Variants in ARHGAP32 observed in about 807,000 individuals in gnomAD.
ARHGAP32 encodes the protein Rho GTPase activating protein 32.
ARHGAP32 carries 51 observed loss-of-function variants against 186.5 expected under a neutral mutation model. The ratio of observed to expected loss-of-function variants is 0.27; its 90% CI spans 0.22 to 0.35. ARHGAP32 has a LOEUF of 0.35. ARHGAP32 is among the 10% of genes least tolerant of loss of function. ARHGAP32 has a pLI of 1.00. For synonymous variants in ARHGAP32, 950 were observed against 964.3 expected, an observed-to-expected ratio of 0.99 and a Z score of 0.27; for missense variants, 2,186 against 2,623.5, an observed-to-expected ratio of 0.83 and a Z score of 3.64.
At chr11:129,251,871 G>A (rs1945189590) in intron 1 of ARHGAP32, among the ~76,000 whole-genome samples, 1 of 149,672 alleles carries the variant, frequency 6.7e-6, no homozygotes. Context: ...GGAGGCGGAG[G>A]TTGCAGTGAG....
At chr11:129,222,527 A>G (rs1944725011) in intron 1 of ARHGAP32, among the ~76,000 whole-genome samples, 1 of 152,220 alleles carries the variant, frequency 6.6e-6, no homozygotes, top group Non-Finnish European at 1.5e-5. Context: ...CACAGGAAAT[A>G]AATTTCTGCA....
intron 2 of ARHGAP32, among the ~76,000 whole-genome samples, chr11:129,149,522 C>A (rs1489976860): frequency 3.3e-5 from 5 of 152,140 alleles, no homozygotes; most frequent in Non-Finnish European, 4.4e-5. Flanking sequence ...GGTGGCTAGA[C>A]CCAGAAGAGA....
chr11:129,041,890 A>G (rs1939609430), intron 10 of ARHGAP32, among the ~76,000 whole-genome samples: 1 of 152,270 alleles, frequency 6.6e-6, no homozygotes, highest in Non-Finnish European at 1.5e-5. Flanking sequence ...CAGATGTTAA[A>G]GCTGAAATAT....
chr11:129,177,329 T>G lies in ARHGAP32; in HGVS notation c.117-12902A>C, dbSNP rs901462795. Among the ~76,000 whole-genome samples the G allele has an allele frequency of 3.3e-5, 5 of 152,172 alleles. 1 individual carries two copies. The highest frequency in any genetic ancestry group is 1.2e-4 in the African/African-American group (5 of 41,508). On this transcript the variant is annotated intron_variant, in intron 1 of 22. Coordinates refer to ENST00000682385, the MANE Select transcript of ARHGAP32 (RefSeq NM_001378024.1). ...CAACCAAAAAGAGTCCAGGACCAGA[T>G]GGATTCACAGCCGAATTCTACCAGA... is the stretch of plus-strand genomic sequence containing the variant.
chr11:129,046,847 G>A (rs370340155), intron 10 of ARHGAP32, among the ~76,000 whole-genome samples: 5 of 152,060 alleles, frequency 3.3e-5, no homozygotes, highest in East Asian at 1.9e-4. Context: ...ATTCTTGGCC[G>A]GGCGCGGTGG....
intron 5 of ARHGAP32, among the ~76,000 whole-genome samples, chr11:129,119,701 C>T (rs1014696443): frequency 6.6e-6 from 1 of 151,882 alleles, no homozygotes; most frequent in East Asian, 1.9e-4. Flanking sequence ...ACTATAGTTG[C>T]AATCTTATGT....
chr11:129,143,205 G>T (rs1943098381), intron 2 of ARHGAP32, among the ~76,000 whole-genome samples: 1 of 151,842 alleles, frequency 6.6e-6, no homozygotes, highest in Non-Finnish European at 1.5e-5. Flanking sequence ...TTTCTGAAAT[G>T]ACATGTTTTA....
rs60384446 is a variant in ARHGAP32 at position 129,005,387 on chromosome 11, C to A, written c.1046-6919G>T. Among the ~76,000 whole-genome samples the A allele has an allele frequency of 4.1e-4, 63 of 152,146 alleles. No individual in the cohort carries two copies. In the East Asian group the frequency reaches 0.011, roughly 27 times the overall value. On this transcript the variant is annotated intron_variant, in intron 11 of 22. Transcript: ENST00000682385. ...ATAATTTCTTATTGTTCATTAATGT[C>A]GTTTTCTTTCTGACTGAAGTATTCC...
chr11:128,978,931 A>C lies in ARHGAP32; in HGVS notation c.1977-16T>G, dbSNP rs1172218201. ...AGGCCTCTTTCTATGAAAGAGAAAAAATAATCAACATTAAGATAGCCATGG... is the reference window on the plus strand; with the variant it reads ...AGGCCTCTTTCTATGAAAGAGAAAACATAATCAACATTAAGATAGCCATGG... On this transcript the variant is annotated splice_polypyrimidine_tract_variant and intron_variant, in intron 18 of 22. Transcript: ENST00000682385. 7 of 1,594,696 alleles carry C rather than the reference A, an allele frequency of 4.4e-6. No individual in the cohort carries two copies. The South Asian group carries it at 6.8e-5, about 16-fold the overall frequency.
intron 2 of ARHGAP32, among the ~76,000 whole-genome samples, chr11:129,148,897 T>C (rs2135447268): frequency 6.6e-6 from 1 of 152,210 alleles, no homozygotes; most frequent in African/African-American, 2.4e-5. Flanking sequence ...ATAACCCCAT[T>C]GGCCTGAGAA....
At position 129,124,850 on chromosome 11, in the gene ARHGAP32, A is replaced by C; in HGVS notation, c.270T>G (p.Leu90=). 1 of 1,611,400 alleles carries C rather than the reference A, an allele frequency of 6.2e-7. No individual in the cohort carries two copies. Among genetic ancestry groups the C allele is most frequent in the Non-Finnish European group, 8.5e-7 (1 of 1,178,668 alleles). ...TACTGGCTGTACTGCCACACGTCTT[A>C]AGAGTAAGATCTCCAGGAATCTCTG... is the stretch of plus-strand genomic sequence containing the variant. The part of the protein sequence containing the change: ...DVPEIPGDLT[L]KTCGSTASMK... Residue 90 remains leucine (L), a synonymous_variant, in exon 3 of 23, where the codon CTT becomes CTG. Coordinates refer to ENST00000682385, the MANE Select transcript of ARHGAP32 (RefSeq NM_001378024.1).
chr11:129,114,439 G>A (rs1233092089), intron 5 of ARHGAP32, among the ~76,000 whole-genome samples: 2 of 151,944 alleles, frequency 1.3e-5, no homozygotes, highest in Non-Finnish European at 2.9e-5. Context: ...TATATTACTT[G>A]TTTTCTCTGA....
chr11:129,251,872 T>C (rs1228706572), intron 1 of ARHGAP32, among the ~76,000 whole-genome samples: 3 of 150,482 alleles, frequency 2.0e-5, no homozygotes, highest in Non-Finnish European at 3.0e-5. Context: ...GAGGCGGAGG[T>C]TGCAGTGAGC....
chr11:129,020,405 G>A (rs760419644), intron 11 of ARHGAP32, among the ~76,000 whole-genome samples: 1 of 152,000 alleles, frequency 6.6e-6, no homozygotes, highest in Non-Finnish European at 1.5e-5. Flanking sequence ...CTTGATGCTT[G>A]TACTACCTTT....
intron 1 of ARHGAP32, among the ~76,000 whole-genome samples, chr11:129,200,121 A>G (rs979432713): frequency 6.6e-6 from 1 of 152,142 alleles, no homozygotes. Context: ...TGTATCTAGG[A>G]GGTAACTAAC....
chr11:129,003,776 T>C (rs553483903), intron 11 of ARHGAP32, among the ~76,000 whole-genome samples: 5 of 152,268 alleles, frequency 3.3e-5, no homozygotes, highest in Admixed American at 2.0e-4. Flanking sequence ...TCTTTTTTTT[T>C]CCTTAGTCTG....
intron 12 of ARHGAP32, among the ~76,000 whole-genome samples, chr11:128,991,119 G>C (rs1435336536): frequency 2.0e-5 from 3 of 152,134 alleles, no homozygotes; most frequent in African/African-American, 7.2e-5. Flanking sequence ...TGTGTTATTA[G>C]ATTCATATCT....
At chr11:129,150,960 C>T (rs1260932272) in intron 2 of ARHGAP32, among the ~76,000 whole-genome samples, 2 of 151,214 alleles carry the variant, frequency 1.3e-5, no homozygotes, top group South Asian at 2.1e-4. Flanking sequence ...TTCCACCAAC[C>T]GATTATTTGC....
chr11:128,983,634 A>G (rs1945779185), intron 15 of ARHGAP32, among the ~76,000 whole-genome samples: 1 of 152,032 alleles, frequency 6.6e-6, no homozygotes, highest in Non-Finnish European at 1.5e-5. Flanking sequence ...CCTAAAACTT[A>G]AAGTATAATA....
Sources: allele counts gnomAD v4.1 joint callset (sites outside exome capture counted in the v4.1 genomes callset), GRCh38; gene constraint gnomAD v4.1.1; transcripts MANE v1.5; gene names NCBI Gene and HGNC (gene_info 2026-07-23, HGNC 2026-07-21).